NEK10: variants seen among roughly 807,000 people sequenced by gnomAD.
NEK10 encodes serine/threonine-protein kinase Nek10.
A neutral mutation model predicts 159.8 loss-of-function variants in NEK10; 122 were observed. The observed-to-expected ratio is 0.76, with a 90% CI of 0.66 to 0.89. The LOEUF (loss-of-function observed/expected upper bound fraction) is 0.89. Among genes scored for constraint, NEK10 ranks in the 40% least tolerant of loss-of-function variants. The pLI is 0.00. For missense variants in NEK10, 1,342 were observed against 1,323.1 expected, an observed-to-expected ratio of 1.01 and a Z score of -0.22; for synonymous variants, 466 against 457.1, an observed-to-expected ratio of 1.02 and a Z score of -0.25.
At chr3:27,153,571 A>G (rs1192523605) in intron 30 of NEK10, among the ~76,000 whole-genome samples, 1 of 152,200 alleles carries the variant, frequency 6.6e-6, no homozygotes, top group Non-Finnish European at 1.5e-5. Context: ...AATGAGCCTC[A>G]ATAAATGTTT....
intron 16 of NEK10, among the ~76,000 whole-genome samples, chr3:27,293,224 T>C (rs2043127875): frequency 6.6e-6 from 1 of 152,258 alleles, no homozygotes; most frequent in Admixed American, 6.5e-5. Context: ...ATTACCCGAT[T>C]GACTTTCAAA....
intron 1 of NEK10, among the ~76,000 whole-genome samples, chr3:27,362,767 C>T (rs776401701): frequency 1.3e-5 from 2 of 151,752 alleles, no homozygotes; most frequent in Non-Finnish European, 2.9e-5. Flanking sequence ...CTACTAAGTC[C>T]TATTTTTCTA....
chr3:27,226,474 A>G (rs564299643), intron 23 of NEK10, among the ~76,000 whole-genome samples: 3 of 152,316 alleles, frequency 2.0e-5, no homozygotes, highest in South Asian at 4.1e-4. Context: ...TGCACTAGCT[A>G]TTTCTTGAGT....
intron 30 of NEK10, among the ~76,000 whole-genome samples, chr3:27,150,307 T>C (rs888368161): frequency 1.3e-5 from 2 of 152,224 alleles, no homozygotes; most frequent in Non-Finnish European, 2.9e-5. Context: ...CAGCCTTTTA[T>C]TGCAAGTAGA....
chr3:27,347,257 G>A (rs1452176901), intron 3 of NEK10, among the ~76,000 whole-genome samples: 1 of 152,092 alleles, frequency 6.6e-6, no homozygotes, highest in East Asian at 1.9e-4. Context: ...GCTCATGCCT[G>A]TAATCCCAGC....
intron 22 of NEK10, among the ~76,000 whole-genome samples, chr3:27,256,912 C>CTTTTTTT (rs550014186): frequency 1.6e-4 from 20 of 125,120 alleles, no homozygotes; most frequent in African/African-American, 4.6e-4. Flanking sequence ...TTTTTTCTCT[C>CTTTTTTT]TTTTTTTTTT....
intron 25 of NEK10, among the ~76,000 whole-genome samples, chr3:27,195,351 T>C (rs1949472856): frequency 6.6e-6 from 1 of 152,238 alleles, no homozygotes. Flanking sequence ...TCCCTAATTC[T>C]TTCAGAACTC....
At chr3:27,287,764 A>G (rs1281804378) in intron 19 of NEK10, 21 bp from the exon 20 acceptor site, 2 of 1,549,020 alleles carry the variant, frequency 1.3e-6, no homozygotes, top group Non-Finnish European at 1.7e-6. Context: ...ATAAATAACA[A>G]ACATGTATTG....
intron 32 of NEK10, among the ~76,000 whole-genome samples, chr3:27,126,603 G>A (rs1247501630): frequency 6.6e-6 from 1 of 152,144 alleles, no homozygotes; most frequent in African/African-American, 2.4e-5. Context: ...ATGATTGGAA[G>A]AGCACAATCT....
chr3:27,347,032 G>T, intron 3 of NEK10, among the ~76,000 whole-genome samples: 1 of 152,080 alleles, frequency 6.6e-6, no homozygotes, highest in East Asian at 1.9e-4. Context: ...CAAATATCCT[G>T]TTTTTTCCAA....
intron 32 of NEK10, among the ~76,000 whole-genome samples, chr3:27,129,407 C>A (rs1942358238): frequency 6.6e-6 from 1 of 152,102 alleles, no homozygotes; most frequent in African/African-American, 2.4e-5. Flanking sequence ...TCCTATGGCC[C>A]TGGTATGGGG....
chr3:27,333,795 G>T (rs906517426), intron 5 of NEK10, among the ~76,000 whole-genome samples: 1 of 151,672 alleles, frequency 6.6e-6, no homozygotes, highest in Non-Finnish European at 1.5e-5. Flanking sequence ...CAGCAGTGCT[G>T]GGACAGAGGT....
chr3:27,237,173 A>T (rs1954022129), intron 23 of NEK10, among the ~76,000 whole-genome samples: 1 of 152,098 alleles, frequency 6.6e-6, no homozygotes, highest in African/African-American at 2.4e-5. Context: ...AGGCAGTCAG[A>T]CCTTTGGTTG....
chr3:27,282,538 T>TTTTATATATA (rs1553615978), intron 22 of NEK10, among the ~76,000 whole-genome samples: 2 of 42,144 alleles, frequency 4.7e-5, no homozygotes, highest in African/African-American at 8.7e-5. Flanking sequence ...CATAAATGTG[T>TTTTATATATA]TATATATATA....
At chr3:27,229,650 G>A (rs368625325) in intron 23 of NEK10, among the ~76,000 whole-genome samples, 33 of 152,108 alleles carry the variant, frequency 2.2e-4, no homozygotes, top group African/African-American at 4.8e-4. Flanking sequence ...AAAATTTTCC[G>A]GAGAGATAGA....
At chr3:27,258,141 T>G (rs1956408501) in intron 22 of NEK10, among the ~76,000 whole-genome samples, 1 of 152,126 alleles carries the variant, frequency 6.6e-6, no homozygotes, top group Non-Finnish European at 1.5e-5. Context: ...AATAATATAC[T>G]GCTGATATAT....
At chr3:27,246,247 G>A (rs1955049345) in intron 23 of NEK10, among the ~76,000 whole-genome samples, 1 of 152,088 alleles carries the variant, frequency 6.6e-6, no homozygotes, top group African/African-American at 2.4e-5. Context: ...AGGTTCAGGG[G>A]TACATCTGCA....
chr3:27,243,874 C>T (rs994473874), intron 23 of NEK10, among the ~76,000 whole-genome samples: 32 of 149,462 alleles, frequency 2.1e-4, no homozygotes, highest in East Asian at 1.4e-3. Flanking sequence ...TCTGTGTGTC[C>T]GTGTCCCCAA....
chr3:27,284,867 T>C lies in NEK10; in HGVS notation c.1884A>G (p.Glu628=). Residue 628 remains glutamate, a synonymous_variant, in exon 21 of 36, where the codon GAA becomes GAG. Coordinates refer to ENST00000691995, the MANE Select transcript of NEK10 (RefSeq NM_001394966.1). ...GTATAAATATTTTCCATAGTCTTTC[T>C]TCAGTAAAATGGTGATGTTTTTCCT... ...SLKEKHHHFT[E]ERLWKIFIQL... is the part of the protein sequence containing the mutation. 1.9e-6 allele frequency: 3 copies of C among 1,587,692 alleles called. No homozygotes were observed. The highest frequency in any genetic ancestry group is 2.6e-6 in the Non-Finnish European group (3 of 1,156,650).
Sources: gnomAD v4.1 joint callset for allele counts (sites outside exome capture counted in the v4.1 genomes callset) on GRCh38, gnomAD v4.1.1 for gene constraint, MANE v1.5 for transcripts, NCBI Gene and HGNC (gene_info 2026-07-23, HGNC 2026-07-21) for gene names.